Variants in PDE10A observed in about 807,000 individuals in gnomAD.
PDE10A encodes the protein cAMP and cAMP-inhibited cGMP 3',5'-cyclic phosphodiesterase 10A.
Under a neutral mutation model 97.7 loss-of-function variants are expected in PDE10A, and 39 were observed. The ratio of observed to expected loss-of-function variants is 0.40; its 90% confidence interval spans 0.31 to 0.52. The LOEUF (loss-of-function observed/expected upper bound fraction) is 0.52. Ranked by LOEUF, PDE10A falls within the 20% of genes least tolerant of loss-of-function variation. The pLI is 0.56. For synonymous variants in PDE10A, 371 were observed against 376.8 expected (o/e 0.98, Z 0.18); for missense variants, 731 against 1,047.8 (o/e 0.70, Z 4.17).
At chr6:165,500,132 C>T (rs969289345) in intron 2 of PDE10A, among the ~76,000 whole-genome samples, 2 of 152,188 alleles carry the variant, frequency 1.3e-5, no homozygotes, top group Non-Finnish European at 2.9e-5. Context: ...ATTCTCACCA[C>T]TCCTTTTCAG....
chr6:165,343,181 G>C (rs996780957), intron 19 of PDE10A, among the ~76,000 whole-genome samples: 1 of 152,168 alleles, frequency 6.6e-6, no homozygotes, highest in African/African-American at 2.4e-5. Flanking sequence ...TTTCAGTTGA[G>C]CTCAGAGAAT....
intron 1 of PDE10A, among the ~76,000 whole-genome samples, chr6:165,725,939 T>C (rs546612399): frequency 6.6e-6 from 1 of 152,338 alleles, no homozygotes; most frequent in Admixed American, 6.5e-5. Context: ...TGAAGGAGTC[T>C]GTCCACTTGG....
chr6:165,665,182 CAT>C (rs2128434332), upstream of PDE10A, among the ~76,000 whole-genome samples: 1 of 152,344 alleles, frequency 6.6e-6, no homozygotes, highest in South Asian at 2.1e-4. Context: ...AATTTTCATA[CAT>C]GATCTCCCTC....
chr6:165,653,204 C>G (rs1040973032), intron 1 of PDE10A, among the ~76,000 whole-genome samples: 1 of 152,198 alleles, frequency 6.6e-6, no homozygotes, highest in African/African-American at 2.4e-5. Flanking sequence ...TAAGCACCTT[C>G]ACTATTTATT....
chr6:165,914,570 GA>G (rs1782554208), intron 1 of PDE10A, among the ~76,000 whole-genome samples: 1 of 152,168 alleles, frequency 6.6e-6, no homozygotes, highest in African/African-American at 2.4e-5. Flanking sequence ...CAAGGGGAGG[GA>G]AAAATGAAAG....
chr6:165,926,924 G>T (rs915133632), intron 1 of PDE10A, among the ~76,000 whole-genome samples: 4 of 152,168 alleles, frequency 2.6e-5, no homozygotes, highest in Non-Finnish European at 5.9e-5. Flanking sequence ...TGGGAGAGGG[G>T]TTGATTGGAG....
At chr6:165,371,079 A>C (rs1446462133) in intron 18 of PDE10A, among the ~76,000 whole-genome samples, 3 of 148,950 alleles carry the variant, frequency 2.0e-5, no homozygotes. Context: ...CATTCAAAGC[A>C]GTGTGTAGAG....
chr6:165,902,099 T>C (rs990979530), intron 1 of PDE10A, among the ~76,000 whole-genome samples: 2 of 152,238 alleles, frequency 1.3e-5, no homozygotes, highest in Non-Finnish European at 2.9e-5. Flanking sequence ...AAATTTTGTA[T>C]ATGTATATGC....
At chr6:165,339,948 A>G (rs1447702720) in intron 19 of PDE10A, among the ~76,000 whole-genome samples, 1 of 151,840 alleles carries the variant, frequency 6.6e-6, no homozygotes, top group East Asian at 1.9e-4. Flanking sequence ...GTTAGTTACT[A>G]AAGATTCACT....
In PDE10A at chr6:165,834,123, T is replaced by G. The variant is rs200503320; in HGVS notation, c.-615+153406A>C. The stretch of plus-strand genomic sequence containing the variant: ...AGCTTAGGGACTTCATATGTAGGTG[T>G]GGCAACACCTGGGACCACATGGAGC... On this transcript the variant is annotated intron_variant, in intron 1 of 19. Coordinates refer to the PDE10A transcript ENST00000366882. 1.4e-4 allele frequency among the ~76,000 whole-genome samples: 21 copies of G among 152,290 alleles called. No homozygotes were observed. In the East Asian group the frequency reaches 4.1e-3, roughly 29 times the overall value.
chr6:165,751,039 C>T (rs1015200920), intron 1 of PDE10A, among the ~76,000 whole-genome samples: 2 of 152,160 alleles, frequency 1.3e-5, no homozygotes, highest in African/African-American at 4.8e-5. Flanking sequence ...AGCAGGAGCT[C>T]ATGGGCAGGC....
intron 1 of PDE10A, among the ~76,000 whole-genome samples, chr6:165,909,898 G>T (rs1175890049): frequency 6.6e-6 from 1 of 152,058 alleles, no homozygotes; most frequent in Admixed American, 6.6e-5. Flanking sequence ...GGGCTCCTTT[G>T]CTCTTCCTTC....
chr6:165,650,169 A>G (rs1789606356), intron 1 of PDE10A, among the ~76,000 whole-genome samples: 1 of 152,082 alleles, frequency 6.6e-6, no homozygotes, highest in Non-Finnish European at 1.5e-5. Context: ...TAAAAACATG[A>G]CCCCCTAATG....
intron 3 of PDE10A, among the ~76,000 whole-genome samples, chr6:165,450,765 T>C (rs1372852233): frequency 6.6e-6 from 1 of 152,086 alleles, no homozygotes; most frequent in Non-Finnish European, 1.5e-5. Context: ...TTCACCATGT[T>C]GCCCAGGCTG....
At chr6:165,935,819 G>T (rs1030261805) in intron 1 of PDE10A, among the ~76,000 whole-genome samples, 1 of 152,196 alleles carries the variant, frequency 6.6e-6, no homozygotes, top group South Asian at 2.1e-4. Flanking sequence ...TGTCTCTTTT[G>T]TGCTCTTGCT....
At chr6:165,426,226 C>T (rs924570428) in intron 10 of PDE10A, among the ~76,000 whole-genome samples, 1 of 152,028 alleles carries the variant, frequency 6.6e-6, no homozygotes, top group African/African-American at 2.4e-5. Context: ...TTGTTAGGTA[C>T]CCAGAAGAGC....
At chr6:165,423,797 C>A (rs535580456) in intron 10 of PDE10A, among the ~76,000 whole-genome samples, 1 of 151,738 alleles carries the variant, frequency 6.6e-6, no homozygotes, top group East Asian at 1.9e-4. Context: ...TAGCAGTGAG[C>A]CGAGATCATG....
intron 1 of PDE10A, among the ~76,000 whole-genome samples, chr6:165,704,289 G>A (rs1791653026): frequency 6.6e-6 from 1 of 152,132 alleles, no homozygotes; most frequent in Non-Finnish European, 1.5e-5. Flanking sequence ...GGAGCCTGGG[G>A]ATCAGGAAGG....
chr6:165,909,680 C>G (rs1274223823), intron 1 of PDE10A, among the ~76,000 whole-genome samples: 1 of 152,200 alleles, frequency 6.6e-6, no homozygotes, highest in Non-Finnish European at 1.5e-5. Context: ...CTCACCTGCT[C>G]CTCTTGCCTA....
Sources: gnomAD v4.1 joint callset for allele counts (sites outside exome capture counted in the v4.1 genomes callset) on GRCh38, gnomAD v4.1.1 for gene constraint, MANE v1.5 for transcripts, NCBI Gene and HGNC (gene_info 2026-07-23, HGNC 2026-07-21) for gene names.